The following ANKRD11 variants were observed in gnomAD, a reference collection of about 807,000 sequenced individuals.
ANKRD11 encodes ankyrin repeat domain 11.
Under a neutral mutation model 195.7 loss-of-function variants are expected in ANKRD11, and 17 were observed. The observed-to-expected ratio is 0.09, with a 90% CI of 0.06 to 0.13. The LOEUF (loss-of-function observed/expected upper bound fraction) is 0.13, where lower values mean the gene tolerates loss of function less well. Among genes scored for constraint, ANKRD11 ranks in the 10% least tolerant of loss-of-function variants. The probability of loss-of-function intolerance (pLI) is 1.00; values close to 1 mark genes in which losing one functional copy is unlikely to be tolerated. For missense variants in ANKRD11, 3,735 were observed against 3,566.1 expected, an observed-to-expected ratio of 1.05 and a Z score of -1.21; for synonymous variants, 1,953 against 1,528.1, an observed-to-expected ratio of 1.28 and a Z score of -6.49.
Position 89,285,234 on chromosome 16 carries a change from A to G in ANKRD11, c.1308T>C (p.Gly436=). 6.2e-7 allele frequency: 1 copy of G among 1,613,494 alleles called. No individual in the cohort carries two copies. The highest frequency in any genetic ancestry group is 1.1e-5 in the South Asian group (1 of 91,064). Reference sequence around the variant, plus strand: ...CATTAGAAGGCTCTCGTGTCTTACTACCAGGCAATATCGTATGTGCCGAGA... The same window carrying G: ...CATTAGAAGGCTCTCGTGTCTTACTGCCAGGCAATATCGTATGTGCCGAGA... ...LRLSAHTILP[G]SKTREPSNAK... Residue 436 remains glycine, a synonymous_variant, in exon 9 of 13, where the codon GGT becomes GGC. Coordinates refer to ENST00000301030, the MANE Select transcript of ANKRD11 (RefSeq NM_013275.6). This position sits in a 1 kb window ranked among gnomAD's most constrained non-coding sequence, Gnocchi z 5.6.
At chr16:89,385,758 G>A (rs2040880033) in intron 2 of ANKRD11, among the ~76,000 whole-genome samples, 1 of 152,228 alleles carries the variant, frequency 6.6e-6, no homozygotes, top group Non-Finnish European at 1.5e-5. Context: ...ACGACAGAAG[G>A]CTAACGTGAG....
intron 9 of ANKRD11, chr16:89,277,625 C>T (rs12932016): frequency 0.018 from 2,676 of 152,434 alleles, 36 homozygotes; most frequent in Middle Eastern, 0.037. Flanking sequence ...CCGTCTCTGT[C>T]TTCTGTGGAT....
intron 11 of ANKRD11, among the ~76,000 whole-genome samples, chr16:89,273,875 G>A (rs926593575): frequency 1.3e-5 from 2 of 152,090 alleles, no homozygotes; most frequent in Non-Finnish European, 2.9e-5. Flanking sequence ...CCAGGGCTGG[G>A]GTGGCGTCAA....
chr16:89,295,330 G>A lies in ANKRD11; in HGVS notation c.227-4147C>T, dbSNP rs541493212. Among the ~76,000 whole-genome samples the A allele has an allele frequency of 9.2e-5, 14 of 152,342 alleles. 1 individual carries two copies. Among genetic ancestry groups the A allele is most frequent in the African/African-American group, 1.9e-4 (8 of 41,578 alleles). Reference sequence around the variant, plus strand: ...GTCTTCCCAAGTCAAGCATGTTGGCGGTGGCACCTGTGTCCGCTGACCTGA... The same window carrying A: ...GTCTTCCCAAGTCAAGCATGTTGGCAGTGGCACCTGTGTCCGCTGACCTGA... On this transcript the variant is annotated intron_variant, in intron 4 of 12. Transcript: ENST00000301030.
intron 2 of ANKRD11, among the ~76,000 whole-genome samples, chr16:89,323,537 CTG>C: frequency 3.7e-5 from 3 of 80,098 alleles, no homozygotes; most frequent in African/African-American, 1.1e-4. Flanking sequence ...GGCAGGGGGG[CTG>C]AGCCGAGGGC....
chr16:89,447,416 G>C (rs1260490520), intron 1 of ANKRD11, among the ~76,000 whole-genome samples: 1 of 152,162 alleles, frequency 6.6e-6, no homozygotes, highest in Admixed American at 6.5e-5. Flanking sequence ...GCACGATCTA[G>C]AGTGTAGCAA....
In ANKRD11 at chr16:89,283,791, A is replaced by G. The variant is rs1231164862; in HGVS notation, c.2751T>C (p.Ser917=). The G allele has an allele frequency of 1.9e-6, 3 of 1,613,506 alleles. No homozygotes were observed. Among genetic ancestry groups the G allele is most frequent in the East Asian group, 4.5e-5 (2 of 44,826 alleles). ...KKDRDYLDKN[S]EKRKEQTEKH... is the part of the protein sequence containing the mutation. ...TTTCGGTCTGCTCTTTCCTCTTCTC[A>G]GAGTTTTTATCCAAATAGTCCCTGT... The change falls in exon 9 of 13, where the codon TCT becomes TCC. Residue 917 remains serine, a synonymous_variant. Coordinates refer to ENST00000301030, the MANE Select transcript of ANKRD11 (RefSeq NM_013275.6). This position sits in a 1 kb window ranked among gnomAD's most constrained non-coding sequence, Gnocchi z 4.3.
intron 2 of ANKRD11, among the ~76,000 whole-genome samples, chr16:89,381,327 G>C (rs1202825642): frequency 1.1e-5 from 1 of 89,486 alleles, no homozygotes; most frequent in Non-Finnish European, 2.0e-5. Flanking sequence ...GCGAGACTCT[G>C]CTGCAAAAAA....
rs142527333 is a variant in ANKRD11 at position 89,280,913 on chromosome 16, G to A, written c.5629C>T (p.Pro1877Ser). 158 of 1,599,050 alleles carry A rather than the reference G, an allele frequency of 9.9e-5. 1 individual carries two copies. In the African/African-American group the frequency reaches 1.9e-3, roughly 19 times the overall value. The change falls in exon 9 of 13, where the codon CCG becomes TCG. Residue 1877 changes from proline (P) to serine (S), a missense_variant. By Grantham distance (74) the Pro-to-Ser change is moderately conservative. Coordinates refer to ENST00000301030, the MANE Select transcript of ANKRD11 (RefSeq NM_013275.6). ...CTTGAGAAGACGCCCTCTGGAGACGGGGTGACAGTGACAACGGCAGCCGGT... is the reference window on the plus strand; with the variant it reads ...CTTGAGAAGACGCCCTCTGGAGACGAGGTGACAGTGACAACGGCAGCCGGT... ...CPPAAVVTVTPSPEGVFSSLQ... is the reference protein window; with the variant it reads ...CPPAAVVTVTSSPEGVFSSLQ...
At chr16:89,354,691 G>A (rs1351326359) in intron 2 of ANKRD11, among the ~76,000 whole-genome samples, 1 of 152,236 alleles carries the variant, frequency 6.6e-6, no homozygotes, top group Non-Finnish European at 1.5e-5. Context: ...AGACCAGCCT[G>A]GCTAACACGG....
chr16:89,386,294 G>T lies in ANKRD11; in HGVS notation c.-60+31990C>A, dbSNP rs138931628. On this transcript the variant is annotated intron_variant, in intron 2 of 12. Transcript: ENST00000301030. ...CAGTCACTTTTTTTTTTTAAAGCTT[G>T]ATTATTAAGACAGACAATGCACTAA... 9.0e-3 allele frequency among the ~76,000 whole-genome samples: 1,369 copies of T among 151,664 alleles called. 22 individuals are homozygous for T. The highest frequency in any genetic ancestry group is 8.4e-3 in the Non-Finnish European group (572 of 67,892).
Position 89,280,955 on chromosome 16 carries a change from C to G in ANKRD11, c.5587G>C (p.Asp1863His). 2 of 1,572,768 alleles carry G rather than the reference C, an allele frequency of 1.3e-6. No individual in the cohort carries two copies. Among genetic ancestry groups the G allele is most frequent in the Non-Finnish European group, 1.7e-6 (2 of 1,156,556 alleles). ...PDYGLPSPKV[D>H]ALHCPPAAVV... ...GCAGCCGGTGGGCAGTGCAAAGCGT[C>G]GACTTTGGGCGACGGGAGGCCATAG... The change falls in exon 9 of 13, where the codon GAC (aspartate) becomes CAC (histidine). Residue 1863 changes from aspartate (D) to histidine (H), a missense_variant. By Grantham distance (81) the Asp-to-His change is moderately conservative. Coordinates refer to ENST00000301030, the MANE Select transcript of ANKRD11 (RefSeq NM_013275.6).
chr16:89,283,742 G>A lies in ANKRD11; in HGVS notation c.2800C>T (p.Leu934Phe), dbSNP rs752116186. ...TEKHKSVPGY[L>F]SEKDKKRRES... Reference sequence around the variant, plus strand: ...CTCCTCTTCTTGTCCTTTTCCGAAAGGTAGCCAGGGACACTTTTATGCTTT... The same window carrying A: ...CTCCTCTTCTTGTCCTTTTCCGAAAAGTAGCCAGGGACACTTTTATGCTTT... The change falls in exon 9 of 13, where the codon CTT becomes TTT. Residue 934 changes from leucine (L) to phenylalanine (F), a missense_variant. By Grantham distance (22) the Leu-to-Phe change is conservative. Coordinates refer to ENST00000301030, the MANE Select transcript of ANKRD11 (RefSeq NM_013275.6). The surrounding 1 kb of genome is among the most constrained non-coding windows in gnomAD (Gnocchi z 4.3). 9 of 1,613,510 alleles carry A rather than the reference G, an allele frequency of 5.6e-6. No homozygotes were observed. The South Asian group carries it at 6.6e-5, about 12-fold the overall frequency.
At chr16:89,339,455 GAGCCCATCCTGCCCTGAGTGCACGC>G (rs144590400) in intron 2 of ANKRD11, among the ~76,000 whole-genome samples, 4,103 of 152,278 alleles carry the variant, frequency 0.027, 98 homozygotes, top group East Asian at 0.11. Context: ...ATGGTCCGAG[GAGCCCATCCTGCCCTGAGTGCACGC>G]AGCGCATGTG....
At chr16:89,485,320 C>CT (rs1386296370) in intron 1 of ANKRD11, among the ~76,000 whole-genome samples, 17 of 136,306 alleles carry the variant, frequency 1.2e-4, no homozygotes, top group Non-Finnish European at 1.6e-4. Flanking sequence ...CCCATCTCTA[C>CT]TTTAAAAAAA....
At position 89,275,507 on chromosome 16, in the gene ANKRD11, A is replaced by C. The variant is rs2033577491; in HGVS notation, c.7471-316T>G. Among the ~76,000 whole-genome samples, 3 of 152,324 alleles carry C rather than the reference A, an allele frequency of 2.0e-5. No individual in the cohort carries two copies. The South Asian group carries it at 6.2e-4, about 32-fold the overall frequency. ...GCCTGAAACACCGGCATGAGCACCC[A>C]ACTGTGCAGAGGAGATACAGCGAGA... On this transcript the variant is annotated intron_variant, in intron 9 of 12. Coordinates refer to ENST00000301030, the MANE Select transcript of ANKRD11 (RefSeq NM_013275.6).
intron 2 of ANKRD11, among the ~76,000 whole-genome samples, chr16:89,333,967 T>A (rs2151973044): frequency 6.6e-6 from 1 of 151,866 alleles, no homozygotes; most frequent in Non-Finnish European, 1.5e-5. Flanking sequence ...CCTAACTGGT[T>A]AAGAGCCCTC....
chr16:89,441,485 T>C (rs1355103065), intron 1 of ANKRD11, among the ~76,000 whole-genome samples: 2 of 151,418 alleles, frequency 1.3e-5, no homozygotes, highest in Non-Finnish European at 2.9e-5. Flanking sequence ...TACGCAAACC[T>C]GGCCGGGCGC....
Position 89,291,847 on chromosome 16 carries a change from T to A in ANKRD11, c.227-664A>T. 6 of 1,103,172 alleles carry A rather than the reference T, an allele frequency of 5.4e-6. No individual in the cohort carries two copies. The highest frequency in any genetic ancestry group is 7.3e-6 in the Non-Finnish European group (6 of 819,994). The allele number at this position is 1,103,172 out of a possible 1,614,324, so 68.3% of individuals were successfully genotyped here. The stretch of plus-strand genomic sequence containing the variant: ...CTCGGCTGTTTCCACCTCAGCCTCC[T>A]CGTAACAAGCACACCCTGCACTCAT... On this transcript the variant is annotated intron_variant, in intron 4 of 12. Coordinates refer to ENST00000301030, the MANE Select transcript of ANKRD11 (RefSeq NM_013275.6). The surrounding 1 kb of genome is among the most constrained non-coding windows in gnomAD (Gnocchi z 5.3).
Sources: gnomAD v4.1 joint callset for allele counts (sites outside exome capture counted in the v4.1 genomes callset) on GRCh38, gnomAD v4.1.1 for gene constraint, Gnocchi (gnomAD v3.1) non-coding constraint, MANE v1.5 for transcripts, NCBI Gene and HGNC (gene_info 2026-07-23, HGNC 2026-07-21) for gene names.